Variants in MEGF11 observed in about 807,000 individuals in gnomAD.
MEGF11 encodes the protein multiple epidermal growth factor-like domains protein 11.
In MEGF11, 126 loss-of-function variants were observed where a neutral mutation model predicts 146.6. That is an observed-to-expected ratio of 0.86 (90% CI 0.74 to 1.00). The LOEUF is 1.00. Ranked by LOEUF, MEGF11 falls within the 50% of genes least tolerant of loss-of-function variation. The probability of loss-of-function intolerance (pLI) is 0.00; values close to 1 mark genes in which losing one functional copy is unlikely to be tolerated. For missense variants in MEGF11, 1,509 were observed against 1,521.2 expected, an observed-to-expected ratio of 0.99 and a Z score of 0.13; for synonymous variants, 532 against 583.4, an observed-to-expected ratio of 0.91 and a Z score of 1.27.
chr15:66,232,492 C>T (rs2091988531), intron 1 of MEGF11, among the ~76,000 whole-genome samples: 1 of 152,166 alleles, frequency 6.6e-6, no homozygotes, highest in Non-Finnish European at 1.5e-5. Flanking sequence ...TGCCCCTGGC[C>T]TGTTGGCTTC....
chr15:65,916,896 G>T lies in MEGF11; in HGVS notation c.2147C>A (p.Ala716Glu). 3 of 1,582,042 alleles carry T rather than the reference G, an allele frequency of 1.9e-6. No individual in the cohort carries two copies. Among genetic ancestry groups the T allele is most frequent in the Non-Finnish European group, 2.6e-6 (3 of 1,163,570 alleles). The change falls in exon 17 of 26, where the codon GCG (alanine) becomes GAG (glutamate). Residue 716 changes from alanine (A) to glutamate (E), a missense_variant. Physicochemically the swap from Ala to Glu is moderately radical, Grantham distance 107. Transcript: ENST00000395614. The part of the protein sequence containing the change: ...CFHACSCHNG[A>E]SCSAEDGACH... ...GGCCCCGTCCTCGGCGCTGCAGCTC[G>T]CCCCGTTGTGGCAGCTGCATGCGTG... is the stretch of plus-strand genomic sequence containing the variant.
intron 1 of MEGF11, among the ~76,000 whole-genome samples, chr15:66,163,469 G>A (rs1002439927): frequency 2.6e-5 from 4 of 152,156 alleles, no homozygotes; most frequent in Non-Finnish European, 4.4e-5. Context: ...TTCTCCATCA[G>A]CAGAGGGAAG....
At chr15:65,913,509 G>A in intron 20 of MEGF11, 1 of 593,048 alleles carries the variant, frequency 1.7e-6, no homozygotes, top group Non-Finnish European at 3.0e-6. Context: ...GAAAATGGCA[G>A]GAGGCTCCCA....
At chr15:66,128,152 T>A (rs1011537182) in intron 2 of MEGF11, among the ~76,000 whole-genome samples, 154 bp downstream of exon 2, 4 of 152,302 alleles carry the variant, frequency 2.6e-5, no homozygotes, top group African/African-American at 9.6e-5. Flanking sequence ...TCTACACATC[T>A]CTGTCCTGTC....
chr15:65,914,910 T>C (rs1160272983), intron 19 of MEGF11, among the ~76,000 whole-genome samples: 5 of 152,216 alleles, frequency 3.3e-5, no homozygotes, highest in Non-Finnish European at 7.3e-5. Flanking sequence ...GGCACCCCGC[T>C]GAATCTCTTA....
Position 65,994,797 on chromosome 15 carries a change from CACT to C in MEGF11, c.395-12312_395-12310del, listed in dbSNP as rs571133861. Reference sequence around the variant, plus strand: ...GATCGTCCAGCAGCATTCACACCACCACTGTTTCAGCCAAAGGAATTCACAGTT... The same window carrying C: ...GATCGTCCAGCAGCATTCACACCACCGTTTCAGCCAAAGGAATTCACAGTT... On this transcript the variant is annotated intron_variant, in intron 5 of 25. Transcript: ENST00000395614. Among the ~76,000 whole-genome samples the C allele has an allele frequency of 7.0e-3, 1,067 of 152,326 alleles. 3 individuals carry two copies. The highest frequency in any genetic ancestry group is 9.0e-3 in the Non-Finnish European group (610 of 68,026).
intron 5 of MEGF11, among the ~76,000 whole-genome samples, chr15:65,993,401 C>T (rs1241344536): frequency 6.6e-6 from 1 of 152,210 alleles, no homozygotes; most frequent in Non-Finnish European, 1.5e-5. Flanking sequence ...TCCCAGCGGC[C>T]CAGCAGCTTC....
chr15:66,100,489 C>T (rs966287779), intron 4 of MEGF11, among the ~76,000 whole-genome samples: 42 of 152,202 alleles, frequency 2.8e-4, no homozygotes, highest in Non-Finnish European at 5.4e-4. Context: ...TTGGATTCTG[C>T]TACTTCCCGG....
At chr15:66,077,026 C>A (rs2085618430) in intron 5 of MEGF11, among the ~76,000 whole-genome samples, 1 of 152,188 alleles carries the variant, frequency 6.6e-6, no homozygotes, top group South Asian at 2.1e-4. Flanking sequence ...AGGTTGCCCA[C>A]CAGGAAACGC....
intron 2 of MEGF11, among the ~76,000 whole-genome samples, chr15:66,124,794 C>T (rs1048234176): frequency 3.9e-5 from 6 of 152,232 alleles, no homozygotes; most frequent in Admixed American, 6.5e-5. Flanking sequence ...CCAAAATAAG[C>T]CTTTCTACCT....
At chr15:66,127,711 G>A (rs1283754140) in intron 2 of MEGF11, among the ~76,000 whole-genome samples, 3 of 152,122 alleles carry the variant, frequency 2.0e-5, no homozygotes, top group African/African-American at 7.2e-5. Flanking sequence ...AAGTCAGGCC[G>A]TCTGCAGGGA....
At chr15:65,955,815 A>ACACACAC (rs2080607534) in intron 10 of MEGF11, among the ~76,000 whole-genome samples, 1 of 2,292 alleles carries the variant, frequency 4.4e-4, no homozygotes. Flanking sequence ...CACACACACA[A>ACACACAC]TACTTTAAAT....
intron 5 of MEGF11, among the ~76,000 whole-genome samples, chr15:66,007,151 C>A (rs2082544579): frequency 6.6e-6 from 1 of 152,226 alleles, no homozygotes; most frequent in Non-Finnish European, 1.5e-5. Context: ...CATAGGTCAG[C>A]ACACGTGAGT....
chr15:65,898,114 A>C lies in MEGF11; in HGVS notation c.3263-20T>G. The C allele has an allele frequency of 6.2e-7, 1 of 1,605,044 alleles. No individual in the cohort carries two copies. On this transcript the variant is annotated intron_variant, in intron 25 of 25. Transcript: ENST00000395614. ...TGGGCTCTAAGAAATATAGTGAAAA[A>C]TGAGTTCAGAGAACAGATTAGCTTT... is the stretch of plus-strand genomic sequence containing the variant.
intron 5 of MEGF11, among the ~76,000 whole-genome samples, chr15:66,019,710 T>C (rs965558872): frequency 3.3e-5 from 5 of 152,258 alleles, no homozygotes; most frequent in African/African-American, 1.2e-4. Flanking sequence ...ACCTCGGGTA[T>C]GCGACCTCAC....
chr15:66,126,864 C>T (rs528154612), intron 2 of MEGF11, among the ~76,000 whole-genome samples: 4 of 152,318 alleles, frequency 2.6e-5, no homozygotes, highest in South Asian at 4.2e-4. Flanking sequence ...CTCAGAATCA[C>T]GTAGAAAGCT....
intron 10 of MEGF11, among the ~76,000 whole-genome samples, chr15:65,954,072 C>T (rs1467478649): frequency 6.6e-6 from 1 of 152,124 alleles, no homozygotes; most frequent in Admixed American, 6.5e-5. Flanking sequence ...CTGATTTACT[C>T]CTCCCATCGT....
At chr15:66,191,562 C>G (rs760224842) in intron 1 of MEGF11, among the ~76,000 whole-genome samples, 4 of 152,190 alleles carry the variant, frequency 2.6e-5, no homozygotes, top group Non-Finnish European at 5.9e-5. Flanking sequence ...GCAGGGCACT[C>G]ATCTGCTTTC....
chr15:66,124,633 C>T (rs2088241516), intron 2 of MEGF11, among the ~76,000 whole-genome samples: 1 of 152,328 alleles, frequency 6.6e-6, no homozygotes, highest in Non-Finnish European at 1.5e-5. Flanking sequence ...CCACAAGCTC[C>T]CCCAGTTACC....
Sources: allele counts gnomAD v4.1 joint callset (sites outside exome capture counted in the v4.1 genomes callset), GRCh38; gene constraint gnomAD v4.1.1; transcripts MANE v1.5; gene names NCBI Gene and HGNC (gene_info 2026-07-23, HGNC 2026-07-21).